Variants in NBPF14 observed in about 807,000 individuals in gnomAD.
NBPF14 encodes NBPF family member NBPF14.
A neutral mutation model predicts 91.2 loss-of-function variants in NBPF14; 104 were observed. The ratio of observed to expected loss-of-function variants is 1.14; its 90% CI spans 0.97 to 1.34. The LOEUF (loss-of-function observed/expected upper bound fraction) is 1.34. Ranked by LOEUF, NBPF14 falls within the 40% of genes most tolerant of loss-of-function variation. The probability of loss-of-function intolerance (pLI) is 0.00; values close to 1 mark genes in which losing one functional copy is unlikely to be tolerated. For synonymous variants in NBPF14, 294 were observed against 303.8 expected (o/e 0.97, Z 0.34); for missense variants, 908 against 783.0 (o/e 1.16, Z -1.91).
At chr1:148,534,481 T>A (rs1235356766) in intron 69 of NBPF14, among the ~76,000 whole-genome samples, 2 of 151,774 alleles carry the variant, frequency 1.3e-5, no homozygotes, top group Non-Finnish European at 2.9e-5. Flanking sequence ...GGCCTGAGAC[T>A]AGGAAGAGAG....
At chr1:148,566,458 C>G (rs1380252144) in intron 28 of NBPF14, 143 bp from the exon 29 acceptor site, 4 of 596,022 alleles carry the variant, frequency 6.7e-6, no homozygotes, top group Non-Finnish European at 1.2e-5. Flanking sequence ...TTGTTGCCTT[C>G]ATGTTGGGAC....
chr1:148,572,821 C>G (rs1184981501), intron 20 of NBPF14, among the ~76,000 whole-genome samples: 1 of 45,438 alleles, frequency 2.2e-5, no homozygotes, highest in Non-Finnish European at 3.9e-5. Context: ...GAGACAGAGA[C>G]AGAGACAGAG....
intron 2 of NBPF14, among the ~76,000 whole-genome samples, chr1:148,593,956 G>A (rs1402409208): frequency 2.0e-5 from 3 of 149,812 alleles, no homozygotes; most frequent in African/African-American, 4.9e-5. Flanking sequence ...ACAACGAAGT[G>A]GAGTCAGAAC....
At chr1:148,542,158 A>T (rs1273404203) in intron 59 of NBPF14, among the ~76,000 whole-genome samples, 1 of 104,812 alleles carries the variant, frequency 9.5e-6, no homozygotes, top group Non-Finnish European at 1.7e-5. Flanking sequence ...TAGGAGAAAA[A>T]CTGCAATATT....
In NBPF14 at chr1:148,561,801, A is replaced by AC. The variant is rs1657807002; in HGVS notation, c.4275-223_4275-222insG. Among the ~76,000 whole-genome samples, 41 of 95,686 alleles carry AC rather than the reference A, an allele frequency of 4.3e-4. 1 individual carries two copies. The highest frequency in any genetic ancestry group is 1.7e-3 in the African/African-American group (35 of 20,576). The allele number at this position is 95,686 out of a possible 152,430, so 62.8% of individuals were successfully genotyped here. ...GACACACACACACACACACACACACAAACACACACACACACACAGAGAGAG... is the reference window on the plus strand; with the variant it reads ...GACACACACACACACACACACACACACAACACACACACACACACAGAGAGAG... On this transcript the variant is annotated intron_variant, in intron 34 of 70. Transcript: ENST00000619423.
rs1657789920 is a variant in NBPF14 at position 148,561,783 on chromosome 1, AC to A, written c.4275-205del. Among the ~76,000 whole-genome samples the A allele has an allele frequency of 2.5e-4, 30 of 122,310 alleles. 1 individual carries two copies. In the South Asian group the frequency reaches 6.5e-3, roughly 27 times the overall value. The allele number at this position is 122,310 out of a possible 152,430, so 80.2% of individuals were successfully genotyped here. A position where few individuals can be genotyped will look rare whatever the true frequency, so the allele number is the denominator to read the frequency against. ...GAAAGAGAAAGACAGATAGACACAC[AC>A]ACACACACACACACACAAACACACA... On this transcript the variant is annotated intron_variant, in intron 34 of 70. Coordinates refer to ENST00000619423, the Ensembl canonical transcript of NBPF14.
At position 148,575,825 on chromosome 1, in the gene NBPF14, A is replaced by T; in HGVS notation, c.2079-14T>A. 3.1e-6 allele frequency: 1 copy of T among 319,138 alleles called. No homozygotes were observed. Among genetic ancestry groups the T allele is most frequent in the Non-Finnish European group, 5.4e-6 (1 of 185,866 alleles). The allele number at this position is 319,138 out of a possible 1,614,324, so 19.8% of individuals were successfully genotyped here. A position where few individuals can be genotyped will look rare whatever the true frequency, so the allele number is the denominator to read the frequency against. ...TCCCTGCTGAGCCTGGAAAAGTAGG[A>T]AAAAGTAAAGAATAAGCCAGGGGGA... is the stretch of plus-strand genomic sequence containing the variant. On this transcript the variant is annotated splice_polypyrimidine_tract_variant and intron_variant, in intron 16 of 70. Coordinates refer to ENST00000619423, the Ensembl canonical transcript of NBPF14.
rs1304735515 is a variant in NBPF14, at chr1:148,592,704, C to T, written c.341G>A (p.Arg114Gln). 118 of 1,587,206 alleles carry T rather than the reference C, an allele frequency of 7.4e-5. 12 individuals are homozygous for T. Among genetic ancestry groups the T allele is most frequent in the South Asian group, 1.3e-4 (12 of 89,732 alleles). ...TGAGCGGGAGGCATCTCTCCCTTCC[C>T]GTAACTTCTCCCTTAGCTGGGTCAG... The change falls in exon 4 of 71, where the codon CGG (arginine) becomes CAG (glutamine). Residue 114 changes from arginine to glutamine, a missense_variant. By Grantham distance (43) the Arg-to-Gln change is conservative. This residue lies in a region of NBPF14 where 61 missense variants were observed against 56.4 expected (regional missense o/e 1.08). Transcript: ENST00000619423.
intron 69 of NBPF14, among the ~76,000 whole-genome samples, chr1:148,534,389 G>C (rs1246267352): frequency 6.6e-5 from 10 of 151,802 alleles, no homozygotes; most frequent in South Asian, 6.3e-4. Flanking sequence ...ACAAACCCTT[G>C]AGTCAAAATC....
At chr1:148,534,920 A>G (rs782245707) in intron 68 of NBPF14, 64 bp from the exon 69 acceptor site, 5 of 732,674 alleles carry the variant, frequency 6.8e-6, no homozygotes, top group Admixed American at 2.0e-5. Context: ...AGCCCCAGCT[A>G]GATTTCATGG....
At chr1:148,559,267 G>A (rs1657150516) in intron 37 of NBPF14, among the ~76,000 whole-genome samples, 195 bp from the exon 38 acceptor site, 1 of 110,918 alleles carries the variant, frequency 9.0e-6, no homozygotes, top group African/African-American at 5.3e-5. Context: ...GAAACTGTGG[G>A]TAAAATTCCC....
At chr1:148,571,303 G>A (rs1349060332) in intron 22 of NBPF14, among the ~76,000 whole-genome samples, 1 of 83,548 alleles carries the variant, frequency 1.2e-5, no homozygotes, top group Non-Finnish European at 2.2e-5. Context: ...AACGAGCTCA[G>A]TGAATTGTCC....
intron 12 of NBPF14, among the ~76,000 whole-genome samples, chr1:148,579,754 T>G (rs1466983990): frequency 6.6e-6 from 1 of 152,088 alleles, no homozygotes; most frequent in Non-Finnish European, 1.5e-5. Context: ...CACCTCTCCC[T>G]GGATTTAGAC....
rs1378029294 is a variant in NBPF14, at chr1:148,561,818, C to CACAG, written c.4275-240_4275-239insCTGT. Among the ~76,000 whole-genome samples the CACAG allele has an allele frequency of 1.5e-4, 19 of 128,794 alleles. 1 individual carries two copies. Among genetic ancestry groups the CACAG allele is most frequent in the Non-Finnish European group, 2.4e-4 (16 of 65,310 alleles). 84.5% of individuals were successfully genotyped at this position (128,794 alleles called of 152,430 possible). A position where few individuals can be genotyped will look rare whatever the true frequency, so the allele number is the denominator to read the frequency against. Reference sequence around the variant, plus strand: ...ACACACACAAACACACACACACACACAGAGAGAGAGAGAGAGAGAGAGAGA... The same window carrying CACAG: ...ACACACACAAACACACACACACACACACAGAGAGAGAGAGAGAGAGAGAGAGAGA... On this transcript the variant is annotated intron_variant, in intron 34 of 70. Coordinates refer to ENST00000619423, the Ensembl canonical transcript of NBPF14.
intron 64 of NBPF14, among the ~76,000 whole-genome samples, chr1:148,538,214 A>G (rs1655343963): frequency 2.7e-5 from 2 of 72,996 alleles, no homozygotes; most frequent in African/African-American, 1.3e-4. Context: ...ACACACACAC[A>G]CACACACACA....
intron 21 of NBPF14, among the ~76,000 whole-genome samples, 169 bp downstream of exon 21, chr1:148,572,274 G>C (rs1659209604): frequency 3.2e-4 from 1 of 3,086 alleles, no homozygotes; most frequent in Non-Finnish European, 6.8e-4. Context: ...CCCATTTCAT[G>C]TCTAGGCTTC....
Position 148,533,358 on chromosome 1 carries a change from A to G in NBPF14, c.8724-110T>C. ...GAAGTGGTTAGAAAAGAAAAAGGATAGAACCATTAATGAGGTAAAAAAAAA... is the reference window on the plus strand; with the variant it reads ...GAAGTGGTTAGAAAAGAAAAAGGATGGAACCATTAATGAGGTAAAAAAAAA... On this transcript the variant is annotated intron_variant, in intron 70 of 70. Transcript: ENST00000619423. The G allele has an allele frequency of 5.6e-6, 3 of 535,876 alleles. No individual in the cohort carries two copies. The South Asian group carries it at 6.5e-5, about 12-fold the overall frequency. The allele number at this position is 535,876 out of a possible 1,614,324, so 33.2% of individuals were successfully genotyped here. A position where few individuals can be genotyped will look rare whatever the true frequency, so the allele number is the denominator to read the frequency against.
rs1161283523 is a variant in NBPF14, at chr1:148,566,490, G to C, written c.3543-175C>G. ...GGACAGAACAGGGCCAAATGGAAAA[G>C]AATGAAAGAGAAAGACAGACACACA... is the stretch of plus-strand genomic sequence containing the variant. On this transcript the variant is annotated intron_variant, in intron 28 of 70. Transcript: ENST00000619423. Among the ~76,000 whole-genome samples, 5 of 131,252 alleles carry C rather than the reference G, an allele frequency of 3.8e-5. 1 individual carries two copies. The highest frequency in any genetic ancestry group is 8.2e-5 in the Non-Finnish European group (5 of 60,610). The allele number at this position is 131,252 out of a possible 152,430, so 86.1% of individuals were successfully genotyped here. A position where few individuals can be genotyped will look rare whatever the true frequency, so the allele number is the denominator to read the frequency against.
intron 7 of NBPF14, among the ~76,000 whole-genome samples, chr1:148,588,767 G>T (rs1253885826): frequency 2.0e-5 from 3 of 151,684 alleles, no homozygotes; most frequent in Non-Finnish European, 3.0e-5. Flanking sequence ...CTAGAACAGA[G>T]CTTTGCCTGT....
Sources: gnomAD v4.1 joint callset for allele counts (sites outside exome capture counted in the v4.1 genomes callset) on GRCh38, gnomAD v4.1.1 for gene constraint, gnomAD v4.1.1 regional missense constraint, MANE v1.5 for transcripts, NCBI Gene and HGNC (gene_info 2026-07-23, HGNC 2026-07-21) for gene names.